The following AKAP12 variants were observed in gnomAD, a reference collection of about 807,000 sequenced individuals.
AKAP12 encodes the protein A-kinase anchor protein 12.
AKAP12 carries 32 observed loss-of-function variants against 79.9 expected under a neutral mutation model. The observed-to-expected ratio is 0.40, with a 90% CI of 0.30 to 0.54. The LOEUF (loss-of-function observed/expected upper bound fraction) is 0.54, where lower values mean the gene tolerates loss of function less well. Ranked by LOEUF, AKAP12 falls within the 20% of genes least tolerant of loss-of-function variation. The pLI, the probability that AKAP12 is intolerant of heterozygous loss-of-function variation, is 0.48. For synonymous variants in AKAP12, 808 were observed against 857.0 expected (o/e 0.94, Z 1.00); for missense variants, 2,074 against 2,177.0 (o/e 0.95, Z 0.94).
At chr6:151,281,521 C>A (rs1350378019) in intron 2 of AKAP12, among the ~76,000 whole-genome samples, 1 of 152,158 alleles carries the variant, frequency 6.6e-6, no homozygotes, top group Non-Finnish European at 1.5e-5. Flanking sequence ...ATGGTTGATA[C>A]TTCACATTTG....
chr6:151,324,555 C>T (rs1251971532), intron 3 of AKAP12: 21 of 985,300 alleles, frequency 2.1e-5, no homozygotes, highest in African/African-American at 1.7e-4. Flanking sequence ...TCCCCTCCCT[C>T]CTCCCTGCCC....
In AKAP12 at chr6:151,315,927, T is replaced by C. The variant is rs1267040898; in HGVS notation, c.319+10024T>C. On this transcript the variant is annotated intron_variant, in intron 3 of 4. Transcript: ENST00000402676. Reference sequence around the variant, plus strand: ...TAAAACCACCAGATCTCATGAGAACTCACTCACTATCATGAGAACAGCATG... The same window carrying C: ...TAAAACCACCAGATCTCATGAGAACCCACTCACTATCATGAGAACAGCATG... Among the ~76,000 whole-genome samples the C allele has an allele frequency of 3.3e-5, 5 of 152,264 alleles. No individual in the cohort carries two copies. In the East Asian group the frequency reaches 5.8e-4, roughly 18 times the overall value.
Position 151,339,433 on chromosome 6 carries a change from A to G in AKAP12, c.320-9278A>G, listed in dbSNP as rs956788932. Among the ~76,000 whole-genome samples the G allele has an allele frequency of 8.5e-5, 13 of 152,332 alleles. 1 individual carries two copies. The South Asian group carries it at 1.7e-3, about 19-fold the overall frequency. ...CGTTTTTAAAAAGACTGTTTTTAAG[A>G]GCAGTTTCAGGTTCACAGCAAAATT... On this transcript the variant is annotated intron_variant, in intron 3 of 4. Coordinates refer to ENST00000402676, the MANE Select transcript of AKAP12 (RefSeq NM_005100.4).
chr6:151,254,513 G>A (rs1194257905), intron 2 of AKAP12, among the ~76,000 whole-genome samples: 5 of 152,062 alleles, frequency 3.3e-5, no homozygotes, highest in African/African-American at 9.7e-5. Flanking sequence ...CACCACACTC[G>A]GCTAATTTTG....
intron 2 of AKAP12, among the ~76,000 whole-genome samples, chr6:151,278,914 G>A (rs1409274215): frequency 2.6e-5 from 4 of 151,342 alleles, no homozygotes; most frequent in East Asian, 3.9e-4. Flanking sequence ...TGATCCGCCT[G>A]CCCCGGCCTC....
chr6:151,324,696 A>C, intron 3 of AKAP12: 1 of 985,416 alleles, frequency 1.0e-6, no homozygotes, highest in Non-Finnish European at 1.2e-6. Flanking sequence ...TAAATAGGGA[A>C]AGGATGAAAG....
Position 151,350,797 on chromosome 6 carries a change from A to T in AKAP12, c.2406A>T (p.Glu802Asp). The T allele has an allele frequency of 6.2e-7, 1 of 1,614,010 alleles. No individual in the cohort carries two copies. Among genetic ancestry groups the T allele is most frequent in the South Asian group, 1.1e-5 (1 of 91,080 alleles). ...STPDTEPGKE[E>D]SWVSIKKFIP... The stretch of plus-strand genomic sequence containing the variant: ...CAGACACTGAACCCGGTAAAGAAGA[A>T]TCCTGGGTCTCAATCAAGAAGTTTA... Residue 802 changes from glutamate to aspartate, a missense_variant, in exon 4 of 5, where the codon GAA (glutamate) becomes GAT (aspartate). By Grantham distance (45) the Glu-to-Asp change is conservative. Transcript: ENST00000402676. The surrounding 1 kb of genome is among the most constrained non-coding windows in gnomAD (Gnocchi z 4.8).
chr6:151,257,779 G>T (rs1797330539), intron 2 of AKAP12, among the ~76,000 whole-genome samples: 1 of 152,124 alleles, frequency 6.6e-6, no homozygotes, highest in African/African-American at 2.4e-5. Flanking sequence ...AGATTATCCT[G>T]ATGAAAGATT....
At chr6:151,298,596 C>T (rs1319865838) in intron 2 of AKAP12, among the ~76,000 whole-genome samples, 2 of 151,948 alleles carry the variant, frequency 1.3e-5, no homozygotes, top group African/African-American at 2.4e-5. Flanking sequence ...GAGTTCGAGA[C>T]CAACCTGACC....
intron 2 of AKAP12, among the ~76,000 whole-genome samples, chr6:151,305,046 G>A (rs1313951431): frequency 1.3e-5 from 2 of 152,194 alleles, no homozygotes; most frequent in African/African-American, 4.8e-5. Flanking sequence ...GCGCCAAGCG[G>A]CCTCCCTTCT....
At chr6:151,312,657 T>C (rs933187917) in intron 3 of AKAP12, among the ~76,000 whole-genome samples, 12 of 151,922 alleles carry the variant, frequency 7.9e-5, no homozygotes, top group Admixed American at 1.3e-4. Flanking sequence ...CCGGGCGTGG[T>C]GGCGGGCGCC....
intron 3 of AKAP12, among the ~76,000 whole-genome samples, chr6:151,316,391 C>A (rs557809779): frequency 6.6e-6 from 1 of 152,242 alleles, no homozygotes; most frequent in South Asian, 2.1e-4. Flanking sequence ...AGGTCATTAT[C>A]CCCCTGTATT....
At chr6:151,256,406 G>A (rs936379920) in intron 2 of AKAP12, among the ~76,000 whole-genome samples, 4 of 152,146 alleles carry the variant, frequency 2.6e-5, no homozygotes, top group African/African-American at 9.7e-5. Flanking sequence ...TGGCTCTGCT[G>A]TGGAGAATTT....
In AKAP12 at chr6:151,353,403, G is replaced by C. The variant is rs758100590; in HGVS notation, c.5012G>C (p.Gly1671Ala). The C allele has an allele frequency of 6.2e-7, 1 of 1,614,154 alleles. No individual in the cohort carries two copies. The highest frequency in any genetic ancestry group is 8.5e-7 in the Non-Finnish European group (1 of 1,180,020). ...LPSEEEGGGA[G>A]TKSVPEDDGH... ...TCTGAGGAAGAGGGAGGTGGAGCTG[G>C]AACAAAGTCTGTGCCAGAAGATGAT... The change falls in exon 4 of 5, where the codon GGA (glycine) becomes GCA (alanine). Residue 1671 changes from glycine (G) to alanine (A), a missense_variant. Gly to Ala is a moderately conservative substitution (Grantham distance 60, BLOSUM62 0). This residue lies in a region of AKAP12 where 614 missense variants were observed against 665.6 expected (regional missense o/e 0.92). Coordinates refer to ENST00000402676, the MANE Select transcript of AKAP12 (RefSeq NM_005100.4).
intron 2 of AKAP12, among the ~76,000 whole-genome samples, chr6:151,275,221 A>G (rs1026175016): frequency 4.6e-5 from 7 of 152,054 alleles, no homozygotes; most frequent in African/African-American, 1.7e-4. Context: ...CAGCAAGGGG[A>G]TCTAAACCGT....
chr6:151,266,501 A>T (rs1776027053), intron 2 of AKAP12, among the ~76,000 whole-genome samples: 1 of 152,230 alleles, frequency 6.6e-6, no homozygotes, highest in African/African-American at 2.4e-5. Flanking sequence ...GTAGAATAGA[A>T]GAAAAACACC....
intron 3 of AKAP12, among the ~76,000 whole-genome samples, chr6:151,339,521 ACCCTTATCAACATT>A (rs144374575): frequency 0.026 from 3,907 of 151,974 alleles, 153 homozygotes; most frequent in African/African-American, 0.09. Flanking sequence ...GCCTCCCCCA[ACCCTTATCAACATT>A]CCCCACCAGA....
At chr6:151,331,880 G>A (rs926062434) in intron 3 of AKAP12, among the ~76,000 whole-genome samples, 2 of 97,026 alleles carry the variant, frequency 2.1e-5, no homozygotes, top group South Asian at 4.3e-4. Context: ...GCGAGACTCC[G>A]TCTCAAAAAA....
chr6:151,301,743 G>A (rs146376474), intron 2 of AKAP12, among the ~76,000 whole-genome samples: 4 of 152,204 alleles, frequency 2.6e-5, no homozygotes, highest in South Asian at 2.1e-4. Context: ...GTACCCTGGC[G>A]GGACGCAAGC....
Sources: gnomAD v4.1 joint callset for allele counts (sites outside exome capture counted in the v4.1 genomes callset) on GRCh38, gnomAD v4.1.1 for gene constraint, gnomAD v4.1.1 regional missense constraint, Gnocchi (gnomAD v3.1) non-coding constraint, MANE v1.5 for transcripts, NCBI Gene and HGNC (gene_info 2026-07-23, HGNC 2026-07-21) for gene names.